The following CELA3A variants were observed in gnomAD, a reference collection of about 807,000 sequenced individuals.
CELA3A encodes the protein chymotrypsin like elastase 3A.
Under a neutral mutation model 38.6 loss-of-function variants are expected in CELA3A, and 35 were observed. That is an observed-to-expected ratio of 0.91 (90% CI 0.69 to 1.20). CELA3A has a LOEUF of 1.20. CELA3A is among the 50% of genes most tolerant of loss of function. The pLI, the probability that CELA3A is intolerant of heterozygous loss-of-function variation, is 0.00. For synonymous variants in CELA3A, 143 were observed against 136.7 expected (o/e 1.05, Z -0.32); for missense variants, 343 against 354.2 (o/e 0.97, Z 0.25).
intron 5 of CELA3A, 78 bp from the exon 6 acceptor site, chr1:22,007,295 G>A: frequency 6.6e-7 from 1 of 1,524,800 alleles, no homozygotes; most frequent in South Asian, 1.3e-5. Flanking sequence ...AGAACTGTGG[G>A]CCTTGAATGC....
intron 1 of CELA3A, among the ~76,000 whole-genome samples, chr1:22,002,081 A>G (rs1019841978): frequency 6.6e-6 from 1 of 151,112 alleles, no homozygotes; most frequent in Admixed American, 6.6e-5. Flanking sequence ...TCCATATTCT[A>G]TGCTCTGGCC....
chr1:22,010,768 G>C (rs1176711630), intron 7 of CELA3A: 2 of 150,042 alleles, frequency 1.3e-5, no homozygotes, highest in East Asian at 4.0e-4. Context: ...TCTGCACCAA[G>C]TTTGGCATCA....
chr1:22,006,167 C>T (rs1312274627), intron 4 of CELA3A: 1 of 247,350 alleles, frequency 4.0e-6, no homozygotes, highest in African/African-American at 2.2e-5. Flanking sequence ...ATCCTGGGCT[C>T]CCAGCACTAT....
At chr1:22,012,307 A>G in intron 7 of CELA3A, 143 bp from the exon 8 acceptor site, 1 of 1,187,824 alleles carries the variant, frequency 8.4e-7, no homozygotes, top group Non-Finnish European at 1.2e-6. Flanking sequence ...TCCCTACTAC[A>G]TAGAGGAGGA....
chr1:22,008,464 G>GA (rs34543555), intron 6 of CELA3A, among the ~76,000 whole-genome samples: 26,830 of 149,142 alleles, frequency 0.18, 3,578 homozygotes, highest in East Asian at 0.39. Flanking sequence ...CCTTGTCTAA[G>GA]AAAAAAAAAC....
chr1:22,007,382 C>T lies in CELA3A; in HGVS notation c.509C>T (p.Pro170Leu). The T allele has an allele frequency of 1.2e-6, 2 of 1,610,734 alleles. No homozygotes were observed. The highest frequency in any genetic ancestry group is 2.2e-5 in the South Asian group (2 of 90,782). ...TGWGRLYTNG[P>L]LPDKLQQARL... Reference sequence around the variant, plus strand: ...CTTTTTATCCTTGCAGCCAATGGGCCACTCCCAGACAAGCTGCAGCAGGCC... The same window carrying T: ...CTTTTTATCCTTGCAGCCAATGGGCTACTCCCAGACAAGCTGCAGCAGGCC... Residue 170 changes from proline (P) to leucine (L), a missense_variant, in exon 6 of 8, where the codon CCA (proline) becomes CTA (leucine). By Grantham distance (98) the Pro-to-Leu change is moderately conservative. Transcript: ENST00000290122.
Position 22,009,795 on chromosome 1 carries a change from A to T in CELA3A, c.733A>T (p.Asn245Tyr). ...CAGCTTTGTTTCTGCCTTTGGCTGC[A>T]ACTTCATCTGGAAGCCCACGGTGTT... is the stretch of plus-strand genomic sequence containing the variant. ...VTSFVSAFGC[N>Y]FIWKPTVFTR... The change falls in exon 7 of 8, where the codon AAC becomes TAC. Residue 245 changes from asparagine to tyrosine, a missense_variant. Physicochemically the swap from Asn to Tyr is moderately radical, Grantham distance 143 (BLOSUM62 -2). Coordinates refer to ENST00000290122, the MANE Select transcript of CELA3A (RefSeq NM_005747.5). The T allele has an allele frequency of 6.2e-7, 1 of 1,612,008 alleles. No homozygotes were observed. The highest frequency in any genetic ancestry group is 8.5e-7 in the Non-Finnish European group (1 of 1,179,308).
intron 4 of CELA3A, 35 bp downstream of exon 4, chr1:22,005,831 C>A (rs529205009): frequency 3.1e-6 from 5 of 1,609,320 alleles, no homozygotes; most frequent in Non-Finnish European, 4.2e-6. Context: ...CCCAGGGGCT[C>A]CTCTACTTGT....
At chr1:22,008,243 T>G (rs1393207557) in intron 6 of CELA3A, among the ~76,000 whole-genome samples, 1 of 144,874 alleles carries the variant, frequency 6.9e-6, no homozygotes. Flanking sequence ...CTTGCCCTCC[T>G]GGGCTCAAGC....
At chr1:22,006,748 A>G in intron 4 of CELA3A, 130 bp from the exon 5 acceptor site, 1 of 884,888 alleles carries the variant, frequency 1.1e-6, no homozygotes, top group South Asian at 1.8e-5. Context: ...AATAATGATG[A>G]TGAAAGAGTG....
At chr1:22,001,782 C>A in intron 1 of CELA3A, 65 bp downstream of exon 1, 1 of 1,594,618 alleles carries the variant, frequency 6.3e-7, no homozygotes. Context: ...TGAAATCTAC[C>A]ACTCGCTCTG....
At chr1:22,008,826 A>T (rs1210823190) in intron 6 of CELA3A, among the ~76,000 whole-genome samples, 2 of 152,008 alleles carry the variant, frequency 1.3e-5, no homozygotes, top group African/African-American at 4.8e-5. Context: ...ATAATTAACT[A>T]TGGTGCCACT....
chr1:22,003,259 A>G (rs1468011224), intron 2 of CELA3A, among the ~76,000 whole-genome samples, 171 bp downstream of exon 2: 21 of 151,190 alleles, frequency 1.4e-4, no homozygotes, highest in African/African-American at 3.4e-4. Context: ...TGCCCGTTTC[A>G]TCTGTAACCC....
Position 22,006,400 on chromosome 1 carries a change from G to A in CELA3A, c.363-478G>A, listed in dbSNP as rs954844073. Among the ~76,000 whole-genome samples, 6 of 151,278 alleles carry A rather than the reference G, an allele frequency of 4.0e-5. 1 individual carries two copies. Among genetic ancestry groups the A allele is most frequent in the African/African-American group, 1.5e-4 (6 of 40,830 alleles). ...ATATTAGCCAGGCGTGGTGGCATGA[G>A]CCTGTAATCCCAGCTACTGGAAAGG... On this transcript the variant is annotated intron_variant, in intron 4 of 7. Coordinates refer to ENST00000290122, the MANE Select transcript of CELA3A (RefSeq NM_005747.5).
intron 1 of CELA3A, chr1:22,002,647 G>A (rs1296709723): frequency 1.6e-5 from 7 of 441,158 alleles, no homozygotes; most frequent in Admixed American, 5.3e-5. Context: ...ACAGCCCAGA[G>A]CTGCACTTTG....
chr1:22,003,573 C>A (rs1644930850), intron 2 of CELA3A, among the ~76,000 whole-genome samples: 1 of 150,566 alleles, frequency 6.6e-6, no homozygotes, highest in African/African-American at 2.5e-5. Context: ...CCCAGCTACT[C>A]AGGAGGCTGA....
At chr1:22,009,414 AG>A (rs1335654181) in intron 6 of CELA3A, among the ~76,000 whole-genome samples, 5 of 150,774 alleles carry the variant, frequency 3.3e-5, no homozygotes, top group African/African-American at 7.4e-5. Flanking sequence ...GTGTGGTGGC[AG>A]GTGCCTGTAA....
intron 4 of CELA3A, 28 bp from the exon 5 acceptor site, chr1:22,006,850 G>A (rs1279982325): frequency 3.1e-6 from 5 of 1,607,698 alleles, no homozygotes; most frequent in Middle Eastern, 1.7e-4. Flanking sequence ...TGGAGGACCA[G>A]GCCCCGTGAC....
intron 6 of CELA3A, among the ~76,000 whole-genome samples, 176 bp downstream of exon 6, chr1:22,007,691 AG>A (rs368865729): frequency 3.3e-5 from 5 of 151,076 alleles, no homozygotes; most frequent in African/African-American, 1.2e-4. Flanking sequence ...CCTGGGAGTC[AG>A]GACCCCCGGG....
Sources: gnomAD v4.1 joint callset for allele counts (sites outside exome capture counted in the v4.1 genomes callset) on GRCh38, gnomAD v4.1.1 for gene constraint, MANE v1.5 for transcripts, NCBI Gene and HGNC (gene_info 2026-07-23, HGNC 2026-07-21) for gene names.